Variants in RBM25 observed in about 807,000 individuals in gnomAD.
The protein encoded by RBM25 is RNA binding motif protein 25.
Under a neutral mutation model 120.7 loss-of-function variants are expected in RBM25, and 19 were observed. That is an observed-to-expected ratio of 0.16 (90% confidence interval 0.11 to 0.23). The LOEUF is 0.23. Among genes scored for constraint, RBM25 ranks in the 10% least tolerant of loss-of-function variants. The probability of loss-of-function intolerance (pLI) is 1.00; values close to 1 mark genes in which losing one functional copy is unlikely to be tolerated. For synonymous variants in RBM25, 390 were observed against 326.7 expected, an observed-to-expected ratio of 1.19 and a Z score of -2.09; for missense variants, 605 against 1,041.5, an observed-to-expected ratio of 0.58 and a Z score of 5.77.
rs752159883 is a variant in RBM25, at chr14:73,103,528, C to T, written c.1154+50C>T. ...TTCCTGATAGCTTTAAGAAAACTAT[C>T]GGGTAGTCCTCCAGAGTACCATTTG... On this transcript the variant is annotated intron_variant, in intron 10 of 18. Coordinates refer to ENST00000261973, the MANE Select transcript of RBM25 (RefSeq NM_021239.3). 48 of 1,524,756 alleles carry T rather than the reference C, an allele frequency of 3.1e-5. 1 individual carries two copies. The highest frequency in any genetic ancestry group is 4.2e-5 in the African/African-American group (3 of 71,772). The allele number at this position is 1,524,756 out of a possible 1,614,324, so 94.5% of individuals were successfully genotyped here.
At chr14:73,098,735 C>G (rs190636208) in intron 7 of RBM25, among the ~76,000 whole-genome samples, 4 of 152,252 alleles carry the variant, frequency 2.6e-5, no homozygotes, top group Admixed American at 6.5e-5. Flanking sequence ...GCTCTGCCTC[C>G]CGGGTTCAAG....
chr14:73,094,279 T>G (rs1167754597), intron 6 of RBM25, among the ~76,000 whole-genome samples: 2 of 147,706 alleles, frequency 1.4e-5, no homozygotes, highest in South Asian at 2.1e-4. Flanking sequence ...GTTGTTATTG[T>G]TTTTTTTTTA....
chr14:73,076,833 T>A (rs1858494144), intron 3 of RBM25, among the ~76,000 whole-genome samples: 2 of 152,204 alleles, frequency 1.3e-5, no homozygotes, highest in African/African-American at 4.8e-5. Flanking sequence ...GCATAAATTT[T>A]AAATGTTCAA....
chr14:73,074,688 T>G (rs766076449), intron 2 of RBM25, among the ~76,000 whole-genome samples: 16 of 151,462 alleles, frequency 1.1e-4, no homozygotes, highest in Non-Finnish European at 1.9e-4. Context: ...TAGAAAAGAT[T>G]TTAAATTTCT....
At position 73,114,243 on chromosome 14, in the gene RBM25, T is replaced by C. The variant is rs562070025; in HGVS notation, c.2392-43T>C. 5.0e-6 allele frequency: 7 copies of C among 1,391,352 alleles called. No homozygotes were observed. In the Admixed American group the frequency reaches 7.3e-5, roughly 15 times the overall value. The allele number at this position is 1,391,352 out of a possible 1,614,324, so 86.2% of individuals were successfully genotyped here. On this transcript the variant is annotated intron_variant, in intron 17 of 18. Coordinates refer to ENST00000261973, the MANE Select transcript of RBM25 (RefSeq NM_021239.3). The stretch of plus-strand genomic sequence containing the variant: ...TAAAATTTCTTGACTGTATTGTTAA[T>C]TTTTTATTTATTTTTAATGTGACAA...
intron 18 of RBM25, among the ~76,000 whole-genome samples, chr14:73,116,705 G>A (rs999441046): frequency 6.6e-6 from 1 of 152,156 alleles, no homozygotes; most frequent in Middle Eastern, 3.2e-3. Flanking sequence ...TCTAGCGTTT[G>A]GCCTCAGCAG....
chr14:73,092,187 GA>G (rs1377094125), intron 6 of RBM25, among the ~76,000 whole-genome samples: 3 of 146,068 alleles, frequency 2.1e-5, no homozygotes, highest in South Asian at 2.3e-4. Context: ...GATTTGCCAT[GA>G]TTTTTTTTTT....
intron 18 of RBM25, among the ~76,000 whole-genome samples, chr14:73,116,096 A>G (rs1424742287): frequency 6.6e-6 from 1 of 152,122 alleles, no homozygotes; most frequent in Non-Finnish European, 1.5e-5. Flanking sequence ...CAAGAAAGAA[A>G]CAGTGAAGAC....
intron 1 of RBM25, among the ~76,000 whole-genome samples, chr14:73,065,273 C>T (rs1236481244): frequency 6.6e-6 from 1 of 151,904 alleles, no homozygotes; most frequent in East Asian, 1.9e-4. Context: ...GGATTACAGG[C>T]ACCCGCCACC....
chr14:73,106,320 G>A, intron 12 of RBM25, 35 bp downstream of exon 12: 1 of 1,516,538 alleles, frequency 6.6e-7, no homozygotes, highest in Non-Finnish European at 8.9e-7. Flanking sequence ...GATTTTTCAG[G>A]TAAAAAGTCA....
Position 73,110,652 on chromosome 14 carries a change from C to G in RBM25, c.1693-179C>G, listed in dbSNP as rs214289. ...CCATGTTGGCCAAGCTGGTCTCAAA[C>G]TCCTGACCTCAGATGATCTGCCCAC... is the stretch of plus-strand genomic sequence containing the variant. On this transcript the variant is annotated intron_variant, in intron 14 of 18. Transcript: ENST00000261973. Among the ~76,000 whole-genome samples, 1,256 of 152,246 alleles carry G rather than the reference C, an allele frequency of 8.2e-3. 19 individuals are homozygous for G. The highest frequency in any genetic ancestry group is 0.029 in the African/African-American group (1,206 of 41,538).
intron 2 of RBM25, among the ~76,000 whole-genome samples, chr14:73,072,036 G>A (rs960728380): frequency 1.3e-5 from 2 of 151,378 alleles, no homozygotes; most frequent in East Asian, 1.9e-4. Flanking sequence ...GCAGTGGCAC[G>A]ATCTCCGCTC....
chr14:73,076,047 C>T (rs1008253656), intron 2 of RBM25, among the ~76,000 whole-genome samples: 3 of 152,076 alleles, frequency 2.0e-5, no homozygotes, highest in Admixed American at 6.6e-5. Context: ...CACATGAACC[C>T]GAATGGATAA....
intron 5 of RBM25, among the ~76,000 whole-genome samples, chr14:73,083,757 A>G (rs1208963792): frequency 6.6e-6 from 1 of 152,228 alleles, no homozygotes; most frequent in Non-Finnish European, 1.5e-5. Flanking sequence ...AAAAAGGTGT[A>G]AGAGGAAAGG....
At chr14:73,100,348 A>T in intron 9 of RBM25, 1 of 684,388 alleles carries the variant, frequency 1.5e-6, no homozygotes, top group South Asian at 1.5e-5. Context: ...CTTGGAAAGT[A>T]ACAAGGAATA....
At chr14:73,059,646 TATAA>T (rs1246977697) in intron 1 of RBM25, among the ~76,000 whole-genome samples, 1 of 152,234 alleles carries the variant, frequency 6.6e-6, no homozygotes, top group Non-Finnish European at 1.5e-5. Context: ...GGCAGTAATG[TATAA>T]ATAATTTTTG....
intron 12 of RBM25, among the ~76,000 whole-genome samples, chr14:73,106,996 C>T (rs984714068): frequency 6.6e-6 from 1 of 152,052 alleles, no homozygotes; most frequent in Non-Finnish European, 1.5e-5. Flanking sequence ...TGTGCCACAA[C>T]ACCCAGCTAA....
At chr14:73,099,904 C>A in intron 9 of RBM25, 154 bp downstream of exon 9, 1 of 1,187,802 alleles carries the variant, frequency 8.4e-7, no homozygotes, top group Non-Finnish European at 1.1e-6. Flanking sequence ...AACAGAAGAC[C>A]AATACCATAT....
In RBM25 at chr14:73,074,203, T is replaced by C. The variant is rs187923924; in HGVS notation, c.107-2116T>C. Among the ~76,000 whole-genome samples, 53 of 152,286 alleles carry C rather than the reference T, an allele frequency of 3.5e-4. 1 individual carries two copies. In the East Asian group the frequency reaches 8.5e-3, roughly 24 times the overall value. ...TATATTTATAGGCTCATAATGCAGT[T>C]CTGGGTTTTAATTTTTAATTTATTA... On this transcript the variant is annotated intron_variant, in intron 2 of 18. Transcript: ENST00000261973.
Sources: gnomAD v4.1 joint callset for allele counts (sites outside exome capture counted in the v4.1 genomes callset) on GRCh38, gnomAD v4.1.1 for gene constraint, MANE v1.5 for transcripts, NCBI Gene and HGNC (gene_info 2026-07-23, HGNC 2026-07-21) for gene names.